NACC1: variants seen among roughly 807,000 people sequenced by gnomAD.
The protein encoded by NACC1 is nucleus accumbens-associated protein 1.
NACC1 carries 6 observed loss-of-function variants against 41.7 expected under a neutral mutation model. That is an observed-to-expected ratio of 0.14 (90% confidence interval 0.08 to 0.28). NACC1 has a LOEUF of 0.28. NACC1 is among the 10% of genes least tolerant of loss of function. The pLI is 1.00. For synonymous variants in NACC1, 338 were observed against 330.6 expected, an observed-to-expected ratio of 1.02 and a Z score of -0.24; for missense variants, 434 against 763.7, an observed-to-expected ratio of 0.57 and a Z score of 5.09.
chr19:13,136,403 C>T lies in NACC1; in HGVS notation c.1118C>T (p.Thr373Ile). The T allele has an allele frequency of 5.6e-6, 9 of 1,611,726 alleles. No individual in the cohort carries two copies. Among genetic ancestry groups the T allele is most frequent in the Non-Finnish European group, 6.8e-6 (8 of 1,178,702 alleles). The change falls in exon 3 of 6, where the codon ACA (threonine) becomes ATA (isoleucine). Residue 373 changes from threonine (T) to isoleucine (I), a missense_variant and splice_region_variant. Around this residue, in one of 4 missense-constraint regions of NACC1, gnomAD observed 70 missense variants for 206.9 expected, o/e 0.34. Transcript: ENST00000292431. This position sits in a 1 kb window ranked among gnomAD's most constrained non-coding sequence, Gnocchi z 5.5. ...GDPSEKLELV[T>I]GTNVYITRAQ... ...CCCTCTGAGAAGCTGGAGCTGGTGA[C>T]AGGTGGGCCGGTCTCGCCCCAGATC...
Position 13,122,189 on chromosome 19 carries a change from G to A in NACC1, c.-9+3735G>A, listed in dbSNP as rs763410107. ...TGTCCCTCCAGCCTTCTCATGTGCT[G>A]CCTCCTTGGCGAAGGTCTCAGTTCT... On this transcript the variant is annotated intron_variant, in intron 1 of 5. Transcript: ENST00000292431. Among the ~76,000 whole-genome samples, 17 of 152,202 alleles carry A rather than the reference G, an allele frequency of 1.1e-4. 1 individual carries two copies. Among genetic ancestry groups the A allele is most frequent in the Non-Finnish European group, 2.4e-4 (16 of 68,044 alleles).
chr19:13,135,891 G>A lies in NACC1; in HGVS notation c.684G>A (p.Val228=), dbSNP rs924304937. 6.4e-7 allele frequency: 1 copy of A among 1,559,930 alleles called. No individual in the cohort carries two copies. Among genetic ancestry groups the A allele is most frequent in the Admixed American group, 1.9e-5 (1 of 51,852 alleles). Residue 228 remains valine (V), a synonymous_variant, in exon 2 of 6, where the codon GTG becomes GTA. Transcript: ENST00000292431. Reference sequence around the variant, plus strand: ...CGCCACCCCAACAGGCTCCGGTGGTGGCAGCAGCCCAGCCCGCCGTGGCTG... The same window carrying A: ...CGCCACCCCAACAGGCTCCGGTGGTAGCAGCAGCCCAGCCCGCCGTGGCTG... ...QPPPPQQAPV[V]AAAQPAVAAG... is the part of the protein sequence containing the mutation.
At position 13,138,445 on chromosome 19, in the gene NACC1, C is replaced by T. The variant is rs2019738471; in HGVS notation, c.*39C>T. 3 of 1,595,388 alleles carry T rather than the reference C, an allele frequency of 1.9e-6. No individual in the cohort carries two copies. The highest frequency in any genetic ancestry group is 2.6e-6 in the Non-Finnish European group (3 of 1,175,494). On this transcript the variant is annotated 3_prime_UTR_variant, in exon 6 of 6. Transcript: ENST00000292431. The surrounding 1 kb of genome is among the most constrained non-coding windows in gnomAD (Gnocchi z 5.7). ...CCGCGGGGCCACACACTTCCCCTCCCAACACACACACACACCTGCCATCTT... is the reference window on the plus strand; with the variant it reads ...CCGCGGGGCCACACACTTCCCCTCCTAACACACACACACACCTGCCATCTT...
chr19:13,132,562 T>C (rs985076750), intron 1 of NACC1, among the ~76,000 whole-genome samples: 1 of 152,252 alleles, frequency 6.6e-6, no homozygotes, highest in East Asian at 1.9e-4. Flanking sequence ...TTTCCAGCTT[T>C]GCAAGGGGAG....
chr19:13,133,358 A>AG (rs1204808497), intron 1 of NACC1, among the ~76,000 whole-genome samples: 1 of 151,316 alleles, frequency 6.6e-6, no homozygotes, highest in African/African-American at 2.4e-5. Flanking sequence ...TCCATCTCAA[A>AG]AAAAAAAAAG....
chr19:13,136,424 A>G lies in NACC1; in HGVS notation c.1120+19A>G. On this transcript the variant is annotated intron_variant, in intron 3 of 5. Transcript: ENST00000292431. The surrounding 1 kb of genome is among the most constrained non-coding windows in gnomAD (Gnocchi z 5.5). The stretch of plus-strand genomic sequence containing the variant: ...GTGACAGGTGGGCCGGTCTCGCCCC[A>G]GATCTCTCCCCTCCGCAGCTTTGGA... 1.9e-6 allele frequency: 3 copies of G among 1,599,642 alleles called. No individual in the cohort carries two copies. Among genetic ancestry groups the G allele is most frequent in the Non-Finnish European group, 2.6e-6 (3 of 1,172,446 alleles).
chr19:13,122,110 C>T (rs935893216), intron 1 of NACC1, among the ~76,000 whole-genome samples: 3 of 152,166 alleles, frequency 2.0e-5, no homozygotes, highest in Non-Finnish European at 2.9e-5. Flanking sequence ...GAGGACCAGC[C>T]GAGCCGGCAG....
intron 1 of NACC1, among the ~76,000 whole-genome samples, chr19:13,128,541 A>G (rs2019593415): frequency 6.6e-6 from 1 of 152,258 alleles, no homozygotes; most frequent in Non-Finnish European, 1.5e-5. Context: ...CAGAGCCCTG[A>G]GACTGAGCCC....
In NACC1 at chr19:13,136,513, C is replaced by G. The variant is rs543600522; in HGVS notation, c.1120+108C>G. The G allele has an allele frequency of 7.5e-6, 10 of 1,334,480 alleles. No homozygotes were observed. In the African/African-American group the frequency reaches 1.3e-4, roughly 18 times the overall value. 82.7% of individuals were successfully genotyped at this position (1,334,480 alleles called of 1,614,324 possible). On this transcript the variant is annotated intron_variant, in intron 3 of 5. Coordinates refer to ENST00000292431, the MANE Select transcript of NACC1 (RefSeq NM_052876.4). This position sits in a 1 kb window ranked among gnomAD's most constrained non-coding sequence, Gnocchi z 5.5. ...GCCCCCAGCACCTCAGTTTCCCTAT[C>G]TGTGCTGTAGTGTTGGTAACAGCCA...
At chr19:13,124,822 C>G (rs1042842480) in intron 1 of NACC1, among the ~76,000 whole-genome samples, 1 of 151,822 alleles carries the variant, frequency 6.6e-6, no homozygotes, top group African/African-American at 2.4e-5. Context: ...GCTCATGCCT[C>G]TAACCTCAGC....
intron 1 of NACC1, 125 bp from the exon 2 acceptor site, chr19:13,135,075 C>A: frequency 1.4e-6 from 2 of 1,422,320 alleles, no homozygotes; most frequent in South Asian, 1.5e-5. Flanking sequence ...ATGGTAGATT[C>A]CATCGTGCGG....
At chr19:13,128,129 A>T (rs536761497) in intron 1 of NACC1, among the ~76,000 whole-genome samples, 77 of 152,254 alleles carry the variant, frequency 5.1e-4, no homozygotes, top group African/African-American at 1.7e-3. Flanking sequence ...CCAGGTCCTG[A>T]AATTGTTGAG....
rs767675330 is a variant in NACC1 at position 13,136,422 on chromosome 19, C to T, written c.1120+17C>T. 1 of 1,598,832 alleles carries T rather than the reference C, an allele frequency of 6.3e-7. No individual in the cohort carries two copies. Among genetic ancestry groups the T allele is most frequent in the Non-Finnish European group, 8.5e-7 (1 of 1,171,448 alleles). ...TGGTGACAGGTGGGCCGGTCTCGCC[C>T]CAGATCTCTCCCCTCCGCAGCTTTG... is the stretch of plus-strand genomic sequence containing the variant. On this transcript the variant is annotated intron_variant, in intron 3 of 5. Coordinates refer to ENST00000292431, the MANE Select transcript of NACC1 (RefSeq NM_052876.4). This position sits in a 1 kb window ranked among gnomAD's most constrained non-coding sequence, Gnocchi z 5.5.
intron 1 of NACC1, among the ~76,000 whole-genome samples, chr19:13,128,176 C>T (rs1235439908): frequency 2.0e-5 from 3 of 152,274 alleles, no homozygotes; most frequent in South Asian, 2.1e-4. Context: ...CTGGCATTCA[C>T]AGGGAAGTCC....
intron 1 of NACC1, 61 bp from the exon 2 acceptor site, chr19:13,135,138 AT>A: frequency 6.8e-7 from 1 of 1,466,078 alleles, no homozygotes. Flanking sequence ...CAGCACCCAC[AT>A]TTGCCGCCTG....
Position 13,138,319 on chromosome 19 carries a change from C to T in NACC1, c.1497C>T (p.Ile499=), listed in dbSNP as rs200782466. 5.0e-6 allele frequency: 8 copies of T among 1,614,134 alleles called. No individual in the cohort carries two copies. Among genetic ancestry groups the T allele is most frequent in the Non-Finnish European group, 6.8e-6 (8 of 1,180,040 alleles). ...CCTTCATCAGTGAAACGGGCAAGAT[C>T]GAGCCGGACATGATGGGTGTGGAGC... ...YTTFISETGK[I]EPDMMGVEHG... The change falls in exon 6 of 6, where the codon ATC becomes ATT. Residue 499 remains isoleucine (I), a synonymous_variant. Transcript: ENST00000292431. This position sits in a 1 kb window ranked among gnomAD's most constrained non-coding sequence, Gnocchi z 5.7.
Position 13,138,727 on chromosome 19 carries a change from G to A in NACC1, c.*321G>A, listed in dbSNP as rs1267657072. 4 of 372,548 alleles carry A rather than the reference G, an allele frequency of 1.1e-5. No homozygotes were observed. The highest frequency in any genetic ancestry group is 1.1e-4 in the East Asian group (2 of 18,304). The allele number at this position is 372,548 out of a possible 1,614,324, so 23.1% of individuals were successfully genotyped here. Reference sequence around the variant, plus strand: ...CACCAGGGGAGGGGGCTGGCCTGGGGGTCTTGGGAAGGCCCCTCCCCAGGC... The same window carrying A: ...CACCAGGGGAGGGGGCTGGCCTGGGAGTCTTGGGAAGGCCCCTCCCCAGGC... On this transcript the variant is annotated 3_prime_UTR_variant, in exon 6 of 6. Coordinates refer to ENST00000292431, the MANE Select transcript of NACC1 (RefSeq NM_052876.4). The surrounding 1 kb of genome is among the most constrained non-coding windows in gnomAD (Gnocchi z 5.7).
intron 1 of NACC1, among the ~76,000 whole-genome samples, chr19:13,124,818 G>T (rs2019542655): frequency 1.3e-5 from 2 of 151,982 alleles, no homozygotes; most frequent in South Asian, 2.1e-4. Context: ...CATTGCTCAT[G>T]CCTCTAACCT....
At chr19:13,125,396 A>T (rs886704151) in intron 1 of NACC1, among the ~76,000 whole-genome samples, 2 of 146,872 alleles carry the variant, frequency 1.4e-5, no homozygotes, top group Non-Finnish European at 3.0e-5. Context: ...GACTGAATCA[A>T]CTCCCGAAGG....
Sources: gnomAD v4.1 joint callset for allele counts (sites outside exome capture counted in the v4.1 genomes callset) on GRCh38, gnomAD v4.1.1 for gene constraint, gnomAD v4.1.1 regional missense constraint, Gnocchi (gnomAD v3.1) non-coding constraint, MANE v1.5 for transcripts, NCBI Gene and HGNC (gene_info 2026-07-23, HGNC 2026-07-21) for gene names.